Variants in NARS2 observed in about 807,000 individuals in gnomAD.
NARS2 encodes asparaginyl-tRNA synthetase 2, mitochondrial, also known as asparaginyl-tRNA synthetase.
Under a neutral mutation model 62.9 loss-of-function variants are expected in NARS2, and 60 were observed. The ratio of observed to expected loss-of-function variants is 0.95; its 90% CI spans 0.77 to 1.18. The LOEUF is 1.18. Among genes scored for constraint, NARS2 ranks in the 50% most tolerant of loss-of-function variants. The pLI is 0.00. For synonymous variants in NARS2, 196 were observed against 200.0 expected (o/e 0.98, Z 0.17); for missense variants, 619 against 576.4 (o/e 1.07, Z -0.76).
intron 5 of NARS2, chr11:78,558,253 C>T (rs897582077): frequency 1.3e-5 from 2 of 152,128 alleles, no homozygotes; most frequent in Admixed American, 6.6e-5. Context: ...TTTTATTCTG[C>T]TTTTTTGCAG....
intron 7 of NARS2, among the ~76,000 whole-genome samples, chr11:78,483,536 CAA>C (rs1859447014): frequency 6.6e-6 from 1 of 152,164 alleles, no homozygotes; most frequent in Non-Finnish European, 1.5e-5. Flanking sequence ...GCAACTTCAG[CAA>C]AGTCTCAGGA....
chr11:78,455,388 CTT>C lies in NARS2; in HGVS notation c.1164+10486_1164+10487del, dbSNP rs147873664. Among the ~76,000 whole-genome samples the C allele has an allele frequency of 2.9e-3, 435 of 150,760 alleles. 5 individuals carry two copies. The East Asian group carries it at 0.054, about 19-fold the overall frequency. On this transcript the variant is annotated intron_variant, in intron 11 of 13. Coordinates refer to ENST00000281038, the MANE Select transcript of NARS2 (RefSeq NM_024678.6). ...GTGTGTAATTCCCTTTTAAAGTAAACTTAAAGTATAAAATATGTGTAAAAAGT... is the reference window on the plus strand; with the variant it reads ...GTGTGTAATTCCCTTTTAAAGTAAACAAAGTATAAAATATGTGTAAAAAGT...
At chr11:78,510,264 CTGAAAG>C (rs1860670323) in intron 6 of NARS2, among the ~76,000 whole-genome samples, 1 of 151,896 alleles carries the variant, frequency 6.6e-6, no homozygotes, top group African/African-American at 2.4e-5. Context: ...AACAAATAAA[CTGAAAG>C]TGAAAGGATG....
In NARS2 at chr11:78,436,197, T is replaced by G. The variant is rs1857405718; in HGVS notation, c.*473A>C. 1 of 152,600 alleles carries G rather than the reference T, an allele frequency of 6.6e-6. No individual in the cohort carries two copies. The highest frequency in any genetic ancestry group is 1.5e-5 in the Non-Finnish European group (1 of 68,350). The allele number at this position is 152,600 out of a possible 1,614,324, so 9.5% of individuals were successfully genotyped here. ...AATTAAGACCTTAAGGAATATTTTT[T>G]TCTGCAATGTTTAATGAAGTACTGA... On this transcript the variant is annotated 3_prime_UTR_variant, in exon 14 of 14. Coordinates refer to ENST00000281038, the MANE Select transcript of NARS2 (RefSeq NM_024678.6).
At chr11:78,451,181 T>C (rs1857958099) in intron 11 of NARS2, among the ~76,000 whole-genome samples, 1 of 152,226 alleles carries the variant, frequency 6.6e-6, no homozygotes, top group African/African-American at 2.4e-5. Flanking sequence ...AAGACACATT[T>C]TGAATACACA....
chr11:78,558,826 AATG>A (rs1258144687), intron 5 of NARS2, among the ~76,000 whole-genome samples: 1 of 152,236 alleles, frequency 6.6e-6, no homozygotes, highest in African/African-American at 2.4e-5. Flanking sequence ...TGAAAAAGAA[AATG>A]ATATTCACAT....
At chr11:78,526,668 A>G (rs1861305566) in intron 6 of NARS2, among the ~76,000 whole-genome samples, 1 of 152,162 alleles carries the variant, frequency 6.6e-6, no homozygotes, top group African/African-American at 2.4e-5. Context: ...ATCTTCCGTC[A>G]AGTTTCACAG....
At chr11:78,442,619 C>A (rs1461389061) in intron 12 of NARS2, among the ~76,000 whole-genome samples, 3 of 130,324 alleles carry the variant, frequency 2.3e-5, no homozygotes, top group African/African-American at 1.0e-4. Context: ...ATGGTAAAGT[C>A]TTTCTTTTTT....
chr11:78,505,803 T>G (rs1172609549), intron 6 of NARS2, among the ~76,000 whole-genome samples: 1 of 152,164 alleles, frequency 6.6e-6, no homozygotes, highest in African/African-American at 2.4e-5. Flanking sequence ...AGAAAAATGT[T>G]GGCAATCTTT....
chr11:78,451,770 T>C (rs911742499), intron 11 of NARS2, among the ~76,000 whole-genome samples: 2 of 152,230 alleles, frequency 1.3e-5, no homozygotes, highest in Non-Finnish European at 1.5e-5. Flanking sequence ...AATAATCATA[T>C]AGACCATGGT....
chr11:78,539,935 G>C (rs1447828649), intron 5 of NARS2, among the ~76,000 whole-genome samples: 1 of 152,130 alleles, frequency 6.6e-6, no homozygotes, highest in Non-Finnish European at 1.5e-5. Context: ...CTTCTATAGA[G>C]GGTCTTGGTA....
At position 78,441,157 on chromosome 11, in the gene NARS2, T is replaced by G. The variant is rs753331716; in HGVS notation, c.1263-40A>C. ...ATAAAATTCTTTCAGGGAACGGCAA[T>G]AAGATAAATATTAACCACTAGACAT... On this transcript the variant is annotated intron_variant, in intron 12 of 13. Transcript: ENST00000281038. 3.2e-6 allele frequency: 5 copies of G among 1,578,324 alleles called. No homozygotes were observed. In the African/African-American group the frequency reaches 6.8e-5, roughly 21 times the overall value.
intron 6 of NARS2, among the ~76,000 whole-genome samples, chr11:78,504,471 T>C (rs988238904): frequency 6.7e-6 from 1 of 148,758 alleles, no homozygotes; most frequent in Non-Finnish European, 1.5e-5. Flanking sequence ...GTAGGGTATA[T>C]GTGGGAAATA....
At chr11:78,506,756 G>A (rs375935114) in intron 6 of NARS2, among the ~76,000 whole-genome samples, 50 of 152,208 alleles carry the variant, frequency 3.3e-4, no homozygotes, top group Non-Finnish European at 6.3e-4. Flanking sequence ...GGCTGGTCTC[G>A]AACTCCTGAC....
At chr11:78,493,459 C>T (rs984095538) in intron 6 of NARS2, among the ~76,000 whole-genome samples, 2 of 152,058 alleles carry the variant, frequency 1.3e-5, no homozygotes, top group African/African-American at 4.8e-5. Context: ...GAGTTCAAGA[C>T]CAGCCTGGGA....
intron 5 of NARS2, among the ~76,000 whole-genome samples, chr11:78,558,799 G>A (rs879263378): frequency 7.9e-5 from 12 of 152,046 alleles, no homozygotes; most frequent in Non-Finnish European, 1.8e-4. Context: ...ATGAAAAAAT[G>A]TATTTTTTAA....
At chr11:78,492,088 C>CATAT (rs137953485) in intron 7 of NARS2, among the ~76,000 whole-genome samples, 70 of 146,952 alleles carry the variant, frequency 4.8e-4, no homozygotes, top group East Asian at 1.6e-3. Flanking sequence ...CTAAGTACTT[C>CATAT]ATATATATAT....
At chr11:78,443,305 C>T (rs1232685353) in intron 12 of NARS2, among the ~76,000 whole-genome samples, 1 of 121,766 alleles carries the variant, frequency 8.2e-6, no homozygotes, top group Admixed American at 9.5e-5. Flanking sequence ...CCAGCCTGGG[C>T]AACACAGCAA....
Position 78,436,292 on chromosome 11 carries a change from C to A in NARS2, c.*378G>T. 1 of 161,878 alleles carries A rather than the reference C, an allele frequency of 6.2e-6. No homozygotes were observed. Among genetic ancestry groups the A allele is most frequent in the Admixed American group, 6.1e-5 (1 of 16,268 alleles). 10.0% of individuals were successfully genotyped at this position (161,878 alleles called of 1,614,324 possible). On this transcript the variant is annotated 3_prime_UTR_variant, in exon 14 of 14. Coordinates refer to ENST00000281038, the MANE Select transcript of NARS2 (RefSeq NM_024678.6). ...AGATGCAACATTATTTTATTTCGAG[C>A]TACTAGATGGTTCTCACAAATTACA...
Sources: gnomAD v4.1 joint callset for allele counts (sites outside exome capture counted in the v4.1 genomes callset) on GRCh38, gnomAD v4.1.1 for gene constraint, MANE v1.5 for transcripts, NCBI Gene and HGNC (gene_info 2026-07-23, HGNC 2026-07-21) for gene names.